NTNG1: variants seen among roughly 807,000 people sequenced by gnomAD.
NTNG1 encodes netrin G1.
NTNG1 carries 16 observed loss-of-function variants against 54.0 expected under a neutral mutation model. That is an observed-to-expected ratio of 0.30 (90% CI 0.20 to 0.45). NTNG1 has a LOEUF of 0.45. NTNG1 is among the 20% of genes least tolerant of loss of function. The pLI, the probability that NTNG1 is intolerant of heterozygous loss-of-function variation, is 1.00. For missense variants in NTNG1, 530 were observed against 678.7 expected, an observed-to-expected ratio of 0.78 and a Z score of 2.43; for synonymous variants, 255 against 263.1, an observed-to-expected ratio of 0.97 and a Z score of 0.30.
intron 5 of NTNG1, chr1:107,409,080 T>A (rs1304889727): frequency 3.9e-5 from 6 of 152,112 alleles, no homozygotes; most frequent in African/African-American, 1.4e-4. Flanking sequence ...TGCTACAGCA[T>A]CCTCTTTGTG....
intron 3 of NTNG1, among the ~76,000 whole-genome samples, chr1:107,333,386 T>C (rs1412934774): frequency 6.6e-6 from 1 of 152,006 alleles, no homozygotes; most frequent in Non-Finnish European, 1.5e-5. Context: ...AAGTCCATGA[T>C]GGTCAAAAAC....
intron 2 of NTNG1, among the ~76,000 whole-genome samples, chr1:107,206,284 T>C (rs1659186789): frequency 6.6e-6 from 1 of 152,176 alleles, no homozygotes; most frequent in South Asian, 2.1e-4. Context: ...AGCTGCCCCA[T>C]ATCCTCATGA....
At chr1:107,333,742 C>G (rs1161698843) in intron 3 of NTNG1, among the ~76,000 whole-genome samples, 1 of 151,522 alleles carries the variant, frequency 6.6e-6, no homozygotes, top group East Asian at 1.9e-4. Flanking sequence ...TAGTTATCAT[C>G]CTTCCTATAT....
chr1:107,248,871 G>A (rs1447375859), intron 2 of NTNG1, among the ~76,000 whole-genome samples: 2 of 151,892 alleles, frequency 1.3e-5, no homozygotes, highest in Non-Finnish European at 2.9e-5. Flanking sequence ...AAGTTAGGCC[G>A]GGGGTGGTGG....
At chr1:107,251,211 A>G (rs1286637296) in intron 2 of NTNG1, among the ~76,000 whole-genome samples, 1 of 152,212 alleles carries the variant, frequency 6.6e-6, no homozygotes, top group Non-Finnish European at 1.5e-5. Flanking sequence ...TCTTACTAAA[A>G]TCTTGCTCAT....
chr1:107,314,342 T>C (rs1194181827), intron 2 of NTNG1, among the ~76,000 whole-genome samples: 1 of 152,072 alleles, frequency 6.6e-6, no homozygotes, highest in Non-Finnish European at 1.5e-5. Context: ...GAGGTTGCAG[T>C]GAGCCAAGAT....
intron 2 of NTNG1, among the ~76,000 whole-genome samples, chr1:107,184,633 C>T (rs1657318450): frequency 6.6e-6 from 1 of 152,140 alleles, no homozygotes; most frequent in Non-Finnish European, 1.5e-5. Context: ...ACCCACAGAT[C>T]TCTTTAGTGT....
intron 2 of NTNG1, among the ~76,000 whole-genome samples, chr1:107,212,568 G>A (rs945200490): frequency 1.1e-4 from 16 of 152,108 alleles, no homozygotes; most frequent in Non-Finnish European, 1.9e-4. Flanking sequence ...CAGTGTCACT[G>A]AACATATGAA....
At chr1:107,465,248 T>C (rs1281155667) in intron 7 of NTNG1, among the ~76,000 whole-genome samples, 2 of 152,028 alleles carry the variant, frequency 1.3e-5, no homozygotes, top group East Asian at 1.9e-4. Context: ...AGAAAAAAAA[T>C]GGATGCTTAG....
intron 2 of NTNG1, among the ~76,000 whole-genome samples, chr1:107,274,693 C>G (rs898065856): frequency 6.6e-6 from 1 of 152,196 alleles, no homozygotes; most frequent in Non-Finnish European, 1.5e-5. Context: ...GGGCAATGAG[C>G]AGGAAAGCAC....
chr1:107,292,040 G>A (rs1176241415), intron 2 of NTNG1, among the ~76,000 whole-genome samples: 1 of 151,938 alleles, frequency 6.6e-6, no homozygotes, highest in African/African-American at 2.4e-5. Flanking sequence ...AGAGAAGCGA[G>A]GAAGGCAATG....
rs77046698 is a variant in NTNG1, at chr1:107,335,667, AT to A, written c.887+10753del. On this transcript the variant is annotated intron_variant, in intron 3 of 7. Transcript: ENST00000370068. ...TTTATCTAATTAGTTATGATTTTCTATTTTTTTTCATTTTACTCATTGTATC... is the reference window on the plus strand; with the variant it reads ...TTTATCTAATTAGTTATGATTTTCTATTTTTTTCATTTTACTCATTGTATC... Among the ~76,000 whole-genome samples, 41 of 151,492 alleles carry A rather than the reference AT, an allele frequency of 2.7e-4. 1 individual carries two copies. In the South Asian group the frequency reaches 5.2e-3, roughly 19 times the overall value.
chr1:107,158,921 A>C (rs1052328774), intron 2 of NTNG1, among the ~76,000 whole-genome samples: 3 of 152,168 alleles, frequency 2.0e-5, no homozygotes, highest in Non-Finnish European at 4.4e-5. Flanking sequence ...TAAAACTATA[A>C]ATTGTCTGCC....
intron 3 of NTNG1, 80 bp downstream of exon 3, chr1:107,325,002 A>G (rs1459016530): frequency 7.2e-6 from 10 of 1,396,640 alleles, no homozygotes; most frequent in Non-Finnish European, 9.7e-6. Context: ...CTGTAAAGTG[A>G]CATTTGTCAA....
chr1:107,425,280 T>C (rs911771492), intron 5 of NTNG1, among the ~76,000 whole-genome samples: 20 of 152,072 alleles, frequency 1.3e-4, no homozygotes, highest in African/African-American at 3.6e-4. Flanking sequence ...CTAGTATACT[T>C]ATCACCTAAA....
chr1:107,140,578 C>G (rs1204113653), upstream of NTNG1, among the ~76,000 whole-genome samples: 2 of 151,898 alleles, frequency 1.3e-5, no homozygotes, highest in Admixed American at 1.3e-4. Context: ...GAAGGAAACC[C>G]GGGCGAAATT....
intron 2 of NTNG1, among the ~76,000 whole-genome samples, chr1:107,227,142 A>C (rs887768596): frequency 1.3e-5 from 2 of 152,008 alleles, no homozygotes; most frequent in African/African-American, 4.8e-5. Flanking sequence ...GACTATGGGC[A>C]ATTATTTAAT....
intron 2 of NTNG1, among the ~76,000 whole-genome samples, chr1:107,205,782 T>C (rs540919732): frequency 6.6e-6 from 1 of 152,100 alleles, no homozygotes; most frequent in Non-Finnish European, 1.5e-5. Flanking sequence ...ACACCTCTCA[T>C]GCCCTCTTCA....
chr1:107,377,660 T>C (rs569628407), intron 3 of NTNG1, among the ~76,000 whole-genome samples: 1 of 152,240 alleles, frequency 6.6e-6, no homozygotes, highest in Non-Finnish European at 1.5e-5. Flanking sequence ...CCTTGTGCCC[T>C]GCACTCTTCT....
Sources: gnomAD v4.1 joint callset for allele counts (sites outside exome capture counted in the v4.1 genomes callset) on GRCh38, gnomAD v4.1.1 for gene constraint, MANE v1.5 for transcripts, NCBI Gene and HGNC (gene_info 2026-07-23, HGNC 2026-07-21) for gene names.